ANKRD26: variants seen among roughly 807,000 people sequenced by gnomAD.
ANKRD26 encodes the protein ankyrin repeat domain-containing protein 26.
A neutral mutation model predicts 208.7 loss-of-function variants in ANKRD26; 141 were observed. That is an observed-to-expected ratio of 0.68 (90% CI 0.59 to 0.78). ANKRD26 has a LOEUF of 0.78. Among genes scored for constraint, ANKRD26 ranks in the 30% least tolerant of loss-of-function variants. ANKRD26 has a pLI of 0.00. For synonymous variants in ANKRD26, 636 were observed against 660.4 expected, an observed-to-expected ratio of 0.96 and a Z score of 0.57; for missense variants, 1,889 against 1,938.7, an observed-to-expected ratio of 0.97 and a Z score of 0.48.
At chr10:27,040,235 T>C in intron 20 of ANKRD26, 57 bp from the exon 21 acceptor site, 1 of 1,267,116 alleles carries the variant, frequency 7.9e-7, no homozygotes, top group South Asian at 1.2e-5. Context: ...TATAACACAC[T>C]GTGCACTATA....
intron 11 of ANKRD26, among the ~76,000 whole-genome samples, chr10:27,064,479 G>C (rs1330452326): frequency 6.6e-6 from 1 of 151,912 alleles, no homozygotes; most frequent in East Asian, 1.9e-4. Flanking sequence ...GCCTGATTAA[G>C]AGGGAAAAAA....
At chr10:27,026,856 G>A (rs11015460) in intron 27 of ANKRD26, among the ~76,000 whole-genome samples, 24,446 of 150,968 alleles carry the variant, frequency 0.16, 2,530 homozygotes, top group Middle Eastern at 0.31. Flanking sequence ...GCACAATCTC[G>A]TCTCACTGTA....
At chr10:26,977,575 A>G (rs1220285791) in intron 5 of ANKRD26, among the ~76,000 whole-genome samples, 2 of 152,230 alleles carry the variant, frequency 1.3e-5, no homozygotes, top group African/African-American at 4.8e-5. Context: ...TGCACAGGCA[A>G]AAGGCACTGT....
downstream of ANKRD26, among the ~76,000 whole-genome samples, chr10:26,968,951 C>G (rs1245144849): frequency 6.6e-6 from 1 of 152,156 alleles, no homozygotes; most frequent in Non-Finnish European, 1.5e-5. Context: ...GGTACCTGCC[C>G]TGGATCCGAA....
chr10:27,098,915 CT>C (rs1273876972), intron 1 of ANKRD26, among the ~76,000 whole-genome samples: 1 of 152,166 alleles, frequency 6.6e-6, no homozygotes, highest in Admixed American at 6.5e-5. Context: ...TATAATCAAA[CT>C]TTTTTTCTCA....
intron 27 of ANKRD26, among the ~76,000 whole-genome samples, chr10:27,027,032 C>T (rs866908165): frequency 5.3e-5 from 8 of 152,226 alleles, no homozygotes; most frequent in African/African-American, 1.2e-4. Context: ...GTGATCCACC[C>T]GCCTCGGCCT....
At chr10:27,067,077 G>T in intron 10 of ANKRD26, 80 bp downstream of exon 10, 1 of 1,524,560 alleles carries the variant, frequency 6.6e-7, no homozygotes, top group Non-Finnish European at 9.0e-7. Flanking sequence ...AAAGTGCTGG[G>T]ATCACAGGTG....
chr10:27,057,984 A>C (rs943554361), intron 15 of ANKRD26, among the ~76,000 whole-genome samples: 1 of 151,982 alleles, frequency 6.6e-6, no homozygotes, highest in African/African-American at 2.4e-5. Flanking sequence ...GCCTTAAGTG[A>C]CCTAATTGTT....
chr10:27,059,150 G>A (rs928324967), intron 15 of ANKRD26, among the ~76,000 whole-genome samples: 8 of 151,954 alleles, frequency 5.3e-5, no homozygotes, highest in African/African-American at 1.9e-4. Flanking sequence ...TCCTGACCTC[G>A]TGATCCACCT....
At chr10:26,979,251 G>A (rs1245877413) in intron 5 of ANKRD26, among the ~76,000 whole-genome samples, 1 of 151,982 alleles carries the variant, frequency 6.6e-6, no homozygotes, top group East Asian at 1.9e-4. Flanking sequence ...AAACCAAAAG[G>A]TCACATCAAT....
chr10:26,997,763 G>A (rs566823522), intron 4 of ANKRD26, among the ~76,000 whole-genome samples: 25 of 152,186 alleles, frequency 1.6e-4, no homozygotes, highest in African/African-American at 5.8e-4. Flanking sequence ...CATGTGTTTC[G>A]GAGAAAATGC....
chr10:26,956,996 T>C, the ANKRD26 span, among the ~76,000 whole-genome samples: 1 of 152,224 alleles, frequency 6.6e-6, no homozygotes, highest in African/African-American at 2.4e-5. Context: ...TTGAATGACA[T>C]TGAGAATACT....
chr10:26,965,898 A>AAATCCATCAGAGAAAT, the ANKRD26 span, among the ~76,000 whole-genome samples: 1 of 152,194 alleles, frequency 6.6e-6, no homozygotes. Context: ...AACATCACTG[A>AAATCCATCAGAGAAAT]CCATCAGAGA....
chr10:27,057,285 G>A (rs1191353301), intron 15 of ANKRD26, among the ~76,000 whole-genome samples: 1 of 152,118 alleles, frequency 6.6e-6, no homozygotes, highest in Non-Finnish European at 1.5e-5. Context: ...AAGTTTAACT[G>A]ACTGTCATCT....
intron 30 of ANKRD26, 69 bp downstream of exon 30, chr10:27,017,433 C>T: frequency 2.0e-6 from 3 of 1,532,160 alleles, no homozygotes; most frequent in Admixed American, 3.3e-5. Context: ...AGAGGAAACA[C>T]ATATAATGTA....
chr10:26,975,402 C>CTTTTTTTTTTTTTTTTTTTT lies in ANKRD26; in HGVS notation c.*921_*922insAAAAAAAAAAAAAAAAAAAA, dbSNP rs60226106. ...AGCCACCTCGCCCAGCTAATTTTTGCTTTTTTTTTTTTTTTTTTGGTGTAG... is the reference window on the plus strand; with the variant it reads ...AGCCACCTCGCCCAGCTAATTTTTGCTTTTTTTTTTTTTTTTTTTTTTTTTTTTTTTTTTTTTTGGTGTAG... On this transcript the variant is annotated 3_prime_UTR_variant and NMD_transcript_variant, in exon 6 of 6. Coordinates refer to the ANKRD26 transcript ENST00000674670. Among the ~76,000 whole-genome samples the CTTTTTTTTTTTTTTTTTTTT allele has an allele frequency of 2.9e-4, 26 of 90,464 alleles. 1 individual carries two copies. Among genetic ancestry groups the CTTTTTTTTTTTTTTTTTTTT allele is most frequent in the Admixed American group, 4.4e-4 (3 of 6,826 alleles). The allele number at this position is 90,464 out of a possible 152,430, so 59.3% of individuals were successfully genotyped here.
intron 31 of ANKRD26, 99 bp from the exon 32 acceptor site, chr10:27,013,209 GA>G: frequency 9.9e-7 from 1 of 1,007,002 alleles, no homozygotes; most frequent in Non-Finnish European, 1.5e-6. Flanking sequence ...AGGAGTAAAT[GA>G]AATTTCCCAT....
At chr10:27,085,095 G>T (rs72807640) in intron 5 of ANKRD26, among the ~76,000 whole-genome samples, 1 of 150,148 alleles carries the variant, frequency 6.7e-6, no homozygotes, top group South Asian at 2.1e-4. Flanking sequence ...GAACACACTT[G>T]TTTTTTTTGT....
chr10:26,954,177 G>A, the ANKRD26 span, among the ~76,000 whole-genome samples: 4 of 152,144 alleles, frequency 2.6e-5, no homozygotes, highest in Non-Finnish European at 5.9e-5. Context: ...GTGAAATGTG[G>A]CCCATATTAG....
Sources: gnomAD v4.1 joint callset for allele counts (sites outside exome capture counted in the v4.1 genomes callset) on GRCh38, gnomAD v4.1.1 for gene constraint, MANE v1.5 for transcripts, NCBI Gene and HGNC (gene_info 2026-07-23, HGNC 2026-07-21) for gene names.